CTNNA3: variants seen among roughly 807,000 people sequenced by gnomAD.
The protein encoded by CTNNA3 is catenin alpha 3, also known as catenin alpha-3.
CTNNA3 carries 76 observed loss-of-function variants against 95.7 expected under a neutral mutation model. The observed-to-expected ratio is 0.79, with a 90% CI of 0.66 to 0.96. The LOEUF is 0.96. Ranked by LOEUF, CTNNA3 falls within the 40% of genes least tolerant of loss-of-function variation. CTNNA3 has a pLI of 0.00. For synonymous variants in CTNNA3, 431 were observed against 374.4 expected, an observed-to-expected ratio of 1.15 and a Z score of -1.74; for missense variants, 1,191 against 1,089.8, an observed-to-expected ratio of 1.09 and a Z score of -1.31.
chr10:67,374,437 C>T (rs199519898), intron 5 of CTNNA3, among the ~76,000 whole-genome samples: 12 of 151,600 alleles, frequency 7.9e-5, no homozygotes, highest in South Asian at 4.2e-4. Context: ...AACGAATGAA[C>T]GAATAAATAA....
At chr10:67,241,095 T>G (rs1865703643) in intron 5 of CTNNA3, among the ~76,000 whole-genome samples, 1 of 152,186 alleles carries the variant, frequency 6.6e-6, no homozygotes, top group Non-Finnish European at 1.5e-5. Context: ...TGCATATGTT[T>G]CATCATTTAA....
intron 10 of CTNNA3, among the ~76,000 whole-genome samples, chr10:66,533,236 A>T (rs1322810337): frequency 2.6e-5 from 4 of 152,056 alleles, no homozygotes; most frequent in Non-Finnish European, 5.9e-5. Flanking sequence ...GCATTTGTCT[A>T]TGCTTTTCTT....
intron 1 of CTNNA3, among the ~76,000 whole-genome samples, chr10:67,717,266 T>C (rs532681578): frequency 1.3e-5 from 2 of 152,324 alleles, no homozygotes; most frequent in East Asian, 3.9e-4. Flanking sequence ...ATTCTGTAGG[T>C]TGCCTCTTCC....
At chr10:66,324,342 A>T (rs745935393) in intron 12 of CTNNA3, among the ~76,000 whole-genome samples, 3 of 152,104 alleles carry the variant, frequency 2.0e-5, no homozygotes, top group Non-Finnish European at 4.4e-5. Flanking sequence ...AACAAACAAA[A>T]AAACCTCACA....
At chr10:65,931,652 G>A (rs184316303) in intron 17 of CTNNA3, among the ~76,000 whole-genome samples, 2 of 152,324 alleles carry the variant, frequency 1.3e-5, no homozygotes, top group Admixed American at 1.3e-4. Flanking sequence ...TTGGAGAAGT[G>A]TCTGTGATCG....
At position 67,706,821 on chromosome 10, in the gene CTNNA3, C is replaced by G. The variant is rs74615922; in HGVS notation, c.-2+56613G>C. 7.9e-5 allele frequency among the ~76,000 whole-genome samples: 12 copies of G among 152,254 alleles called. No homozygotes were observed. In the East Asian group the frequency reaches 2.1e-3, roughly 27 times the overall value. ...TGCTAATGGTTCCCAACTTTGTATC[C>G]TAGTCCAGACCTCTCTCATGACCCC... On this transcript the variant is annotated intron_variant, in intron 1 of 17. Transcript: ENST00000684154.
At chr10:67,422,315 G>A (rs1032108202) in intron 5 of CTNNA3, among the ~76,000 whole-genome samples, 1 of 152,124 alleles carries the variant, frequency 6.6e-6, no homozygotes, top group African/African-American at 2.4e-5. Context: ...AATAACGTAT[G>A]TAAGGGTAAA....
chr10:67,087,503 T>C, intron 7 of CTNNA3, among the ~76,000 whole-genome samples: 1 of 152,064 alleles, frequency 6.6e-6, no homozygotes, highest in South Asian at 2.1e-4. Context: ...ACACAATTCA[T>C]ACCTTCTCTA....
At chr10:67,659,403 T>C (rs1465032855) in intron 1 of CTNNA3, among the ~76,000 whole-genome samples, 3 of 152,206 alleles carry the variant, frequency 2.0e-5, no homozygotes, top group Non-Finnish European at 2.9e-5. Flanking sequence ...ATTTTCAAAA[T>C]TGCAGCTACA....
At chr10:67,523,693 G>T (rs1840053221) in intron 4 of CTNNA3, among the ~76,000 whole-genome samples, 2 of 152,054 alleles carry the variant, frequency 1.3e-5, no homozygotes, top group Non-Finnish European at 2.9e-5. Flanking sequence ...AGTCTGACGT[G>T]GAAACCAATT....
At position 67,142,488 on chromosome 10, in the gene CTNNA3, C is replaced by CATCACAATAAAGCAAAT. The variant is rs1457913537; in HGVS notation, c.1047+37812_1047+37828dup. 1.5e-4 allele frequency among the ~76,000 whole-genome samples: 23 copies of CATCACAATAAAGCAAAT among 152,026 alleles called. 1 individual carries two copies. Among genetic ancestry groups the CATCACAATAAAGCAAAT allele is most frequent in the African/African-American group, 4.3e-4 (18 of 41,384 alleles). Reference sequence around the variant, plus strand: ...AGATACTGCAGGTTTCGTATCAGACCATCACAATAAAGCAAATATCACAAT... The same window carrying CATCACAATAAAGCAAAT: ...AGATACTGCAGGTTTCGTATCAGACCATCACAATAAAGCAAATATCACAATAAAGCAAATATCACAAT... On this transcript the variant is annotated intron_variant, in intron 7 of 17. Coordinates refer to ENST00000433211, the MANE Select transcript of CTNNA3 (RefSeq NM_013266.4).
At chr10:66,685,690 A>G (rs1289876825) in intron 9 of CTNNA3, among the ~76,000 whole-genome samples, 1 of 151,718 alleles carries the variant, frequency 6.6e-6, no homozygotes, top group Non-Finnish European at 1.5e-5. Context: ...TATTTTTTTT[A>G]AAAAGTTTGC....
Position 66,367,880 on chromosome 10 carries a change from AATTATTATT to A in CTNNA3, c.1732+11263_1732+11271del, listed in dbSNP as rs200238646. Among the ~76,000 whole-genome samples, 112 of 47,128 alleles carry A rather than the reference AATTATTATT, an allele frequency of 2.4e-3. 1 individual carries two copies. Among genetic ancestry groups the A allele is most frequent in the African/African-American group, 4.3e-3 (44 of 10,138 alleles). The allele number at this position is 47,128 out of a possible 152,430, so 30.9% of individuals were successfully genotyped here. A position where few individuals can be genotyped will look rare whatever the true frequency, so the allele number is the denominator to read the frequency against. ...TAATAATAATAATAATAATAATAAT[AATTATTATT>A]ATTATTATTATTATTATTATTATTA... On this transcript the variant is annotated intron_variant, in intron 12 of 17. Coordinates refer to ENST00000433211, the MANE Select transcript of CTNNA3 (RefSeq NM_013266.4).
intron 12 of CTNNA3, among the ~76,000 whole-genome samples, chr10:66,363,789 A>C (rs994189608): frequency 3.3e-5 from 5 of 152,198 alleles, no homozygotes; most frequent in Non-Finnish European, 7.3e-5. Context: ...CATGAAATCT[A>C]ACCAAGTATT....
intron 11 of CTNNA3, among the ~76,000 whole-genome samples, chr10:66,385,957 T>A (rs957957307): frequency 6.6e-6 from 1 of 152,188 alleles, no homozygotes; most frequent in African/African-American, 2.4e-5. Context: ...TAATAAGAGC[T>A]ATTTATGACA....
At chr10:66,897,051 T>C (rs1331897266) in intron 7 of CTNNA3, among the ~76,000 whole-genome samples, 4 of 152,148 alleles carry the variant, frequency 2.6e-5, no homozygotes, top group African/African-American at 9.7e-5. Flanking sequence ...TTTTATTGAG[T>C]TCTCAGCAAA....
At chr10:66,052,494 C>G (rs2079979682) in intron 15 of CTNNA3, among the ~76,000 whole-genome samples, 1 of 152,106 alleles carries the variant, frequency 6.6e-6, no homozygotes, top group African/African-American at 2.4e-5. Flanking sequence ...TAGAGAGGGT[C>G]AAGTTCTCTC....
At chr10:66,670,190 T>G (rs969548628) in intron 9 of CTNNA3, among the ~76,000 whole-genome samples, 3 of 152,132 alleles carry the variant, frequency 2.0e-5, no homozygotes, top group African/African-American at 7.2e-5. Context: ...CATAACAAAT[T>G]ACCACAAACC....
intron 9 of CTNNA3, among the ~76,000 whole-genome samples, chr10:66,716,308 G>C (rs1848448092): frequency 6.6e-6 from 1 of 152,124 alleles, no homozygotes; most frequent in Non-Finnish European, 1.5e-5. Context: ...ATTCTGCAAT[G>C]ATTTGGTGCG....
Sources: allele counts gnomAD v4.1 joint callset (sites outside exome capture counted in the v4.1 genomes callset), GRCh38; gene constraint gnomAD v4.1.1; transcripts MANE v1.5; gene names NCBI Gene and HGNC (gene_info 2026-07-23, HGNC 2026-07-21).